ANK3: variants seen among roughly 807,000 people sequenced by gnomAD.
ANK3 encodes the protein ankyrin-3.
Under a neutral mutation model 370.9 loss-of-function variants are expected in ANK3, and 57 were observed. That is an observed-to-expected ratio of 0.15 (90% CI 0.12 to 0.19). The LOEUF is 0.19. ANK3 is among the 10% of genes least tolerant of loss of function. The pLI is 1.00. For synonymous variants in ANK3, 1,929 were observed against 1,946.3 expected (o/e 0.99, Z 0.23); for missense variants, 4,439 against 5,302.1 (o/e 0.84, Z 5.06).
intron 1 of ANK3, among the ~76,000 whole-genome samples, chr10:60,387,893 A>G (rs544662556): frequency 6.6e-6 from 1 of 152,316 alleles, no homozygotes; most frequent in Admixed American, 6.5e-5. Flanking sequence ...AGCTAGCCTA[A>G]CAACCCTAAA....
At chr10:60,471,972 G>A (rs566374654) in intron 2 of ANK3, among the ~76,000 whole-genome samples, 40 of 152,152 alleles carry the variant, frequency 2.6e-4, no homozygotes, top group African/African-American at 9.6e-4. Context: ...TATTTGATAA[G>A]GAGTCATTAT....
Position 60,068,853 on chromosome 10 carries a change from G to A in ANK3, c.12028C>T (p.Leu4010Phe), listed in dbSNP as rs748624337. 7 of 1,613,972 alleles carry A rather than the reference G, an allele frequency of 4.3e-6. 1 individual carries two copies. The Admixed American group carries it at 5.0e-5, about 12-fold the overall frequency. Residue 4010 changes from leucine (L) to phenylalanine (F), a missense_variant, in exon 37 of 44, where the codon CTT becomes TTT. Leu to Phe is a conservative substitution (Grantham distance 22). Around this residue, in one of 13 missense-constraint regions of ANK3, gnomAD observed 496 missense variants for 529.3 expected, o/e 0.94. Coordinates refer to ENST00000280772, the MANE Select transcript of ANK3 (RefSeq NM_020987.5). ...TCTTCTTCAGAGAGGCGGTCCACAAGCTTTAAGGTCTCACCACTAATTCCC... is the reference window on the plus strand; with the variant it reads ...TCTTCTTCAGAGAGGCGGTCCACAAACTTTAAGGTCTCACCACTAATTCCC... Reference protein sequence around the residue: ...FKGISGETLKLVDRLSEEEKK... With the variant: ...FKGISGETLKFVDRLSEEEKK...
At chr10:60,365,654 C>A (rs888836697) in intron 1 of ANK3, among the ~76,000 whole-genome samples, 2 of 152,124 alleles carry the variant, frequency 1.3e-5, no homozygotes, top group Non-Finnish European at 2.9e-5. Context: ...ACTTATTTAG[C>A]ACTTCTAAAA....
At chr10:60,478,144 A>G (rs1437746593) in intron 2 of ANK3, among the ~76,000 whole-genome samples, 4 of 152,086 alleles carry the variant, frequency 2.6e-5, no homozygotes, top group Non-Finnish European at 5.9e-5. Flanking sequence ...CATTTATAAT[A>G]AGAGGTTCTC....
chr10:60,386,668 T>C (rs956343425), intron 1 of ANK3, among the ~76,000 whole-genome samples: 1 of 152,190 alleles, frequency 6.6e-6, no homozygotes, highest in East Asian at 1.9e-4. Context: ...ATATGTATTA[T>C]GATTTCATGA....
chr10:60,167,662 T>G (rs572960687), intron 21 of ANK3, among the ~76,000 whole-genome samples: 137 of 147,808 alleles, frequency 9.3e-4, no homozygotes, highest in Middle Eastern at 3.4e-3. Context: ...GTGAGTTTTT[T>G]TTTTGTTTTG....
chr10:60,559,262 C>A lies in ANK3; in HGVS notation c.96+55924G>T, dbSNP rs778904571. On this transcript the variant is annotated intron_variant, in intron 2 of 43. Coordinates refer to the ANK3 transcript ENST00000373827. ...TTGTATAGTCTTTTATCCCTCACCACCCCCCAACCCTTTCCCCAGTGTCCC... is the reference window on the plus strand; with the variant it reads ...TTGTATAGTCTTTTATCCCTCACCAACCCCCAACCCTTTCCCCAGTGTCCC... 4.6e-5 allele frequency among the ~76,000 whole-genome samples: 7 copies of A among 152,088 alleles called. No individual in the cohort carries two copies. In the South Asian group the frequency reaches 8.3e-4, roughly 18 times the overall value.
At chr10:60,683,930 G>T (rs2133394100) in intron 1 of ANK3, among the ~76,000 whole-genome samples, 1 of 152,278 alleles carries the variant, frequency 6.6e-6, no homozygotes, top group East Asian at 1.9e-4. Context: ...AAGGAAGAAA[G>T]GTAGGTTTAC....
intron 1 of ANK3, among the ~76,000 whole-genome samples, chr10:60,691,347 G>A (rs1439170260): frequency 6.6e-6 from 1 of 152,182 alleles, no homozygotes; most frequent in East Asian, 1.9e-4. Context: ...TGCACTCTGG[G>A]TGAGTAGAAA....
At chr10:60,077,016 C>G (rs2083991524) in intron 36 of ANK3, among the ~76,000 whole-genome samples, 1 of 151,958 alleles carries the variant, frequency 6.6e-6, no homozygotes, top group Admixed American at 6.6e-5. Context: ...AACTTTTTTC[C>G]AAAACCACTC....
intron 1 of ANK3, among the ~76,000 whole-genome samples, chr10:60,692,731 CT>C (rs2079374390): frequency 6.6e-6 from 1 of 152,132 alleles, no homozygotes; most frequent in Non-Finnish European, 1.5e-5. Flanking sequence ...TTAGTCAATC[CT>C]TTTGAAAGTC....
intron 2 of ANK3, among the ~76,000 whole-genome samples, chr10:60,538,990 A>T (rs2076786238): frequency 6.6e-6 from 1 of 151,896 alleles, no homozygotes; most frequent in South Asian, 2.1e-4. Flanking sequence ...AACATAGCGC[A>T]CAGTAATCTC....
chr10:60,429,931 A>G (rs776608488), intron 2 of ANK3, among the ~76,000 whole-genome samples: 2 of 152,228 alleles, frequency 1.3e-5, no homozygotes, highest in Non-Finnish European at 2.9e-5. Context: ...TTTTTCTAAA[A>G]GAAAAAAAGG....
intron 8 of ANK3, among the ~76,000 whole-genome samples, chr10:60,216,593 C>T (rs988111854): frequency 6.6e-6 from 1 of 152,142 alleles, no homozygotes; most frequent in Non-Finnish European, 1.5e-5. Flanking sequence ...GTTGAACCAG[C>T]CTTGCATCCC....
chr10:60,497,353 T>C lies in ANK3; in HGVS notation c.96+117833A>G, dbSNP rs148887747. On this transcript the variant is annotated intron_variant, in intron 2 of 43. Transcript: ENST00000373827. ...ATGTGCCTAGTATCAATCTTCTTAA[T>C]AGCATAGTCAGAATAATTGTAGTTG... 3.2e-3 allele frequency among the ~76,000 whole-genome samples: 488 copies of C among 152,312 alleles called. 4 individuals carry two copies. The highest frequency in any genetic ancestry group is 0.011 in the African/African-American group (457 of 41,572).
At chr10:60,111,695 T>A (rs942752056) in intron 26 of ANK3, 5 of 449,768 alleles carry the variant, frequency 1.1e-5, no homozygotes, top group Non-Finnish European at 2.2e-5. Context: ...AAATTAAAAA[T>A]ACAAAAAGGA....
At chr10:60,600,350 C>A (rs1486995507) in intron 2 of ANK3, among the ~76,000 whole-genome samples, 1 of 152,154 alleles carries the variant, frequency 6.6e-6, no homozygotes, top group African/African-American at 2.4e-5. Flanking sequence ...ATGTTCTTCT[C>A]CCAGGTTTTC....
At chr10:60,438,758 C>T (rs1194621442) in intron 2 of ANK3, among the ~76,000 whole-genome samples, 1 of 152,152 alleles carries the variant, frequency 6.6e-6, no homozygotes, top group Non-Finnish European at 1.5e-5. Flanking sequence ...TATAATTTAC[C>T]ATAAGGGAAA....
chr10:60,520,966 T>A lies in ANK3; in HGVS notation c.96+94220A>T, dbSNP rs996614303. On this transcript the variant is annotated intron_variant, in intron 2 of 43. Coordinates refer to the ANK3 transcript ENST00000373827. ...TTTTTTTTTAATTTGATTCATAGAC[T>A]AGCTCAGCACTCTATCTTGAGTACT... 3.9e-5 allele frequency among the ~76,000 whole-genome samples: 6 copies of A among 152,142 alleles called. No homozygotes were observed. The South Asian group carries it at 1.2e-3, about 32-fold the overall frequency.
Sources: gnomAD v4.1 joint callset for allele counts (sites outside exome capture counted in the v4.1 genomes callset) on GRCh38, gnomAD v4.1.1 for gene constraint, gnomAD v4.1.1 regional missense constraint, MANE v1.5 for transcripts, NCBI Gene and HGNC (gene_info 2026-07-23, HGNC 2026-07-21) for gene names.